KNL1: variants seen among roughly 807,000 people sequenced by gnomAD.
KNL1 encodes outer kinetochore KNL1 complex subunit KNL1.
KNL1 carries 66 observed loss-of-function variants against 201.3 expected under a neutral mutation model. That is an observed-to-expected ratio of 0.33 (90% confidence interval 0.27 to 0.40). The LOEUF (loss-of-function observed/expected upper bound fraction) is 0.40. KNL1 is among the 10% of genes least tolerant of loss of function. The pLI is 1.00. For missense variants in KNL1, 2,815 were observed against 2,690.5 expected (o/e 1.05, Z -1.02); for synonymous variants, 895 against 899.2 (o/e 1.00, Z 0.08).
In KNL1 at chr15:40,623,560, A is replaced by C; in HGVS notation, c.3296A>C (p.Glu1099Ala). Residue 1099 changes from glutamate to alanine, a missense_variant, in exon 10 of 26, where the codon GAA (glutamate) becomes GCA (alanine). This residue lies in a region of KNL1 where 2,464 missense variants were observed against 2,291.7 expected (regional missense o/e 1.08). Coordinates refer to ENST00000399668, the MANE Select transcript of KNL1 (RefSeq NM_144508.5). ...AGTTGTATGGTGGAAATAGATAACG[A>C]AAGTGCCCTGGAGGATAAAGAGGAC... is the stretch of plus-strand genomic sequence containing the variant. ...TQSCMVEIDN[E>A]SALEDKEDFH... The C allele has an allele frequency of 6.2e-7, 1 of 1,613,720 alleles. No homozygotes were observed. The highest frequency in any genetic ancestry group is 8.5e-7 in the Non-Finnish European group (1 of 1,179,928).
chr15:40,622,679 T>G lies in KNL1; in HGVS notation c.2415T>G (p.Val805=), dbSNP rs773066170. Residue 805 remains valine (V), a synonymous_variant, in exon 10 of 26, where the codon GTT becomes GTG. Transcript: ENST00000399668. ...TGAACAGACAGATAGCTGTAAAAGT[T>G]GAAAAATGTGGTAAAAGTCCCATAG... The part of the protein sequence containing the change: ...TTMNRQIAVK[V]EKCGKSPIEK... The G allele has an allele frequency of 1.9e-6, 3 of 1,590,010 alleles. No individual in the cohort carries two copies. The African/African-American group carries it at 4.1e-5, about 22-fold the overall frequency.
At chr15:40,657,625 G>C (rs1335976700) in intron 24 of KNL1, 152 bp downstream of exon 24, 4 of 565,740 alleles carry the variant, frequency 7.1e-6, no homozygotes, top group Non-Finnish European at 1.3e-5. Context: ...TTCTCCCAGT[G>C]TCTGGTGGTT....
chr15:40,597,957 G>A (rs1891667883), intron 1 of KNL1, among the ~76,000 whole-genome samples: 1 of 152,072 alleles, frequency 6.6e-6, no homozygotes, highest in Non-Finnish European at 1.5e-5. Context: ...AGATCACTAG[G>A]TGAAGAGTTC....
intron 24 of KNL1, among the ~76,000 whole-genome samples, chr15:40,658,436 G>A (rs1893797658): frequency 6.6e-6 from 1 of 151,134 alleles, no homozygotes; most frequent in Admixed American, 6.6e-5. Flanking sequence ...GGCTGAGGCA[G>A]GAGAACCGCT....
chr15:40,630,777 G>T (rs777045853), intron 13 of KNL1, among the ~76,000 whole-genome samples: 5 of 152,146 alleles, frequency 3.3e-5, no homozygotes, highest in Non-Finnish European at 5.9e-5. Flanking sequence ...TCTATATTAT[G>T]ATGAGTTGTA....
chr15:40,612,708 G>T (rs148474344), intron 7 of KNL1, among the ~76,000 whole-genome samples: 1 of 151,876 alleles, frequency 6.6e-6, no homozygotes, highest in African/African-American at 2.4e-5. Flanking sequence ...TAGTAGACAC[G>T]GGGTTTCACC....
chr15:40,662,096 C>G lies in KNL1; in HGVS notation c.6859C>G (p.Leu2287Val). Reference protein sequence around the residue: ...NTSQDDIATILSKVPLENNYL... With the variant: ...NTSQDDIATIVSKVPLENNYL... The stretch of plus-strand genomic sequence containing the variant: ...CAGCCAAGATGATATTGCTACCATT[C>G]TATCTAAAGTGCCACTGGAGAACAA... The change falls in exon 26 of 26, where the codon CTA becomes GTA. Residue 2287 changes from leucine (L) to valine (V), a missense_variant. By Grantham distance (32) the Leu-to-Val change is conservative. Coordinates refer to ENST00000399668, the MANE Select transcript of KNL1 (RefSeq NM_144508.5). The G allele has an allele frequency of 3.7e-6, 6 of 1,604,822 alleles. No individual in the cohort carries two copies. The highest frequency in any genetic ancestry group is 5.1e-6 in the Non-Finnish European group (6 of 1,171,610).
intron 1 of KNL1, among the ~76,000 whole-genome samples, chr15:40,600,417 C>T (rs1326288198): frequency 2.6e-5 from 4 of 152,092 alleles, no homozygotes; most frequent in Non-Finnish European, 4.4e-5. Flanking sequence ...GTAATCTTTC[C>T]TTGGTGTGTG....
At chr15:40,631,306 AC>A (rs1020261605) in intron 13 of KNL1, among the ~76,000 whole-genome samples, 1 of 151,930 alleles carries the variant, frequency 6.6e-6, no homozygotes, top group Admixed American at 6.5e-5. Flanking sequence ...TAAAAAAAAA[AC>A]AGGAAACACT....
chr15:40,605,307 G>A (rs1555418718), intron 3 of KNL1, among the ~76,000 whole-genome samples, 158 bp downstream of exon 3: 1 of 152,052 alleles, frequency 6.6e-6, no homozygotes, highest in Non-Finnish European at 1.5e-5. Context: ...ATACAATTCT[G>A]TAAATATACC....
At chr15:40,609,812 C>T (rs1176864796) in intron 5 of KNL1, among the ~76,000 whole-genome samples, 1 of 152,066 alleles carries the variant, frequency 6.6e-6, no homozygotes, top group Non-Finnish European at 1.5e-5. Context: ...ATTATAACCT[C>T]TGCAGTAACA....
At chr15:40,598,574 C>A (rs557348282) in intron 1 of KNL1, among the ~76,000 whole-genome samples, 3 of 151,660 alleles carry the variant, frequency 2.0e-5, no homozygotes, top group African/African-American at 7.3e-5. Context: ...GTCTCCCTGC[C>A]CCCTCCGGCC....
intron 19 of KNL1, among the ~76,000 whole-genome samples, chr15:40,651,190 G>A (rs968772353): frequency 1.3e-5 from 2 of 149,534 alleles, no homozygotes; most frequent in East Asian, 2.0e-4. Context: ...GTATTTAAAA[G>A]TTATCTTAAC....
At chr15:40,613,651 G>C (rs1291597286) in intron 7 of KNL1, among the ~76,000 whole-genome samples, 2 of 152,074 alleles carry the variant, frequency 1.3e-5, no homozygotes, top group African/African-American at 2.4e-5. Flanking sequence ...TTGTTGGCCA[G>C]ACTGGAGTAT....
chr15:40,619,505 G>C (rs577437136), intron 9 of KNL1, among the ~76,000 whole-genome samples: 1 of 152,146 alleles, frequency 6.6e-6, no homozygotes, highest in East Asian at 1.9e-4. Flanking sequence ...GGGCTGAAGC[G>C]ATCCTCCCAC....
chr15:40,649,251 T>C (rs1893484707), intron 17 of KNL1, among the ~76,000 whole-genome samples: 2 of 152,026 alleles, frequency 1.3e-5, no homozygotes, highest in South Asian at 4.1e-4. Flanking sequence ...TTGTTACTAC[T>C]CCCATACACC....
At chr15:40,602,822 C>A in intron 1 of KNL1, 93 bp from the exon 2 acceptor site, 1 of 692,420 alleles carries the variant, frequency 1.4e-6, no homozygotes. Context: ...AGAAAGTAAC[C>A]CTGAAGTCAC....
intron 7 of KNL1, among the ~76,000 whole-genome samples, chr15:40,612,668 C>T (rs1222615456): frequency 1.3e-5 from 2 of 152,002 alleles, no homozygotes; most frequent in East Asian, 3.9e-4. Flanking sequence ...AGGCGCCTGC[C>T]ACCACGCCTG....
intron 25 of KNL1, among the ~76,000 whole-genome samples, chr15:40,659,896 G>GTGTGTGTGTA (rs1893856939): frequency 7.0e-6 from 1 of 143,368 alleles, no homozygotes; most frequent in Non-Finnish European, 1.5e-5. Flanking sequence ...AAGAATTTAT[G>GTGTGTGTGTA]TGTGTGTGTG....
Sources: gnomAD v4.1 joint callset for allele counts (sites outside exome capture counted in the v4.1 genomes callset) on GRCh38, gnomAD v4.1.1 for gene constraint, gnomAD v4.1.1 regional missense constraint, MANE v1.5 for transcripts, NCBI Gene and HGNC (gene_info 2026-07-23, HGNC 2026-07-21) for gene names.